The following TTC39B variants were observed in gnomAD, a reference collection of about 807,000 sequenced individuals.
The protein encoded by TTC39B is tetratricopeptide repeat domain 39B.
In TTC39B, 92 loss-of-function variants were observed where a neutral mutation model predicts 96.6. That is an observed-to-expected ratio of 0.95 (90% CI 0.80 to 1.13). The LOEUF (loss-of-function observed/expected upper bound fraction) is 1.13, where lower values mean the gene tolerates loss of function less well. Among genes scored for constraint, TTC39B ranks in the 50% most tolerant of loss-of-function variants. The pLI, the probability that TTC39B is intolerant of heterozygous loss-of-function variation, is 0.00. For missense variants in TTC39B, 955 were observed against 809.3 expected (o/e 1.18, Z -2.18); for synonymous variants, 367 against 299.4 (o/e 1.23, Z -2.33).
At chr9:15,287,924 CG>C (rs1824032916) in intron 1 of TTC39B, among the ~76,000 whole-genome samples, 1 of 115,314 alleles carries the variant, frequency 8.7e-6, no homozygotes. Context: ...CCAGCCTGGG[CG>C]ACAGGGCGAG....
intron 18 of TTC39B, among the ~76,000 whole-genome samples, chr9:15,176,449 A>G (rs536625909): frequency 1.3e-5 from 2 of 152,338 alleles, no homozygotes; most frequent in South Asian, 4.1e-4. Flanking sequence ...CTTTATTCTT[A>G]CAGGGGCACA....
rs1824491172 is a variant in TTC39B, at chr9:15,299,252, AT to A, written c.240+7831del. ...ATACAATGTATCATTTCACCAAAAT[AT>A]TTTAAAATACGTAGGCCCTATGTAT... On this transcript the variant is annotated intron_variant, in intron 1 of 19. Transcript: ENST00000512701. Among the ~76,000 whole-genome samples, 5 of 152,326 alleles carry A rather than the reference AT, an allele frequency of 3.3e-5. No homozygotes were observed. In the South Asian group the frequency reaches 1.0e-3, roughly 32 times the overall value.
intron 6 of TTC39B, among the ~76,000 whole-genome samples, chr9:15,209,570 A>C (rs887174281): frequency 6.6e-6 from 1 of 152,242 alleles, no homozygotes; most frequent in Non-Finnish European, 1.5e-5. Flanking sequence ...GTAAGTTTTC[A>C]AACTGTCAGT....
chr9:15,164,765 T>C (rs116401320), exon 20 of TTC39B: 383 of 152,126 alleles, frequency 2.5e-3, no homozygotes, highest in Middle Eastern at 0.01. Context: ...AGACTACTTA[T>C]GGAATTTTCC....
intron 8 of TTC39B, among the ~76,000 whole-genome samples, chr9:15,196,968 C>A (rs1329283457): frequency 1.3e-5 from 2 of 152,200 alleles, no homozygotes; most frequent in Admixed American, 6.5e-5. Flanking sequence ...GGATGCAAGA[C>A]CTCCACCAAC....
Position 15,186,866 on chromosome 9 carries a change from T to C in TTC39B, c.1487+78A>G. 3 of 1,338,776 alleles carry C rather than the reference T, an allele frequency of 2.2e-6. No homozygotes were observed. The South Asian group carries it at 3.6e-5, about 16-fold the overall frequency. 82.9% of individuals were successfully genotyped at this position (1,338,776 alleles called of 1,614,324 possible). A position where few individuals can be genotyped will look rare whatever the true frequency, so the allele number is the denominator to read the frequency against. On this transcript the variant is annotated intron_variant, in intron 15 of 19. Transcript: ENST00000512701. The stretch of plus-strand genomic sequence containing the variant: ...ACATGCCACCAGGCCCAGCTAATTT[T>C]TTGTATTTTCAGTAGAGATGAGATT...
chr9:15,289,076 T>C (rs979544328), intron 1 of TTC39B, among the ~76,000 whole-genome samples: 1 of 152,248 alleles, frequency 6.6e-6, no homozygotes, highest in Admixed American at 6.5e-5. Context: ...AGGTAGCAAG[T>C]TGCATACATT....
At position 15,268,196 on chromosome 9, in the gene TTC39B, C is replaced by T. The variant is rs73646023; in HGVS notation, c.241-248G>A. Among the ~76,000 whole-genome samples, 662 of 152,050 alleles carry T rather than the reference C, an allele frequency of 4.4e-3. 6 individuals are homozygous for T. The highest frequency in any genetic ancestry group is 0.015 in the African/African-American group (622 of 41,456). Reference sequence around the variant, plus strand: ...AATACTCAGCAAGTGATCAAACTGGCCTAATTTAAAGAGACTATGACGTCT... The same window carrying T: ...AATACTCAGCAAGTGATCAAACTGGTCTAATTTAAAGAGACTATGACGTCT... On this transcript the variant is annotated intron_variant, in intron 1 of 19. Transcript: ENST00000512701.
intron 19 of TTC39B, among the ~76,000 whole-genome samples, chr9:15,174,670 T>C (rs1322832329): frequency 6.6e-6 from 1 of 152,094 alleles, no homozygotes; most frequent in Non-Finnish European, 1.5e-5. Context: ...TATAATGGAG[T>C]AGTTGCAATG....
At chr9:15,263,794 T>C (rs1033840480) in intron 2 of TTC39B, among the ~76,000 whole-genome samples, 2 of 152,236 alleles carry the variant, frequency 1.3e-5, no homozygotes, top group South Asian at 4.1e-4. Flanking sequence ...CTCTCTCTAT[T>C]AGGAGAAGGG....
intron 8 of TTC39B, 58 bp from the exon 9 acceptor site, chr9:15,192,753 T>A: frequency 8.3e-7 from 1 of 1,198,114 alleles, no homozygotes; most frequent in Non-Finnish European, 1.2e-6. Context: ...AAATAAATAT[T>A]AAATCAAATT....
intron 1 of TTC39B, among the ~76,000 whole-genome samples, chr9:15,297,001 A>C (rs1824406176): frequency 9.0e-6 from 1 of 110,818 alleles, no homozygotes. Flanking sequence ...AGAAAAAAGA[A>C]AAGAAAAGAA....
chr9:15,216,367 T>A (rs1276119028), intron 3 of TTC39B, among the ~76,000 whole-genome samples: 3 of 152,198 alleles, frequency 2.0e-5, no homozygotes, highest in Non-Finnish European at 4.4e-5. Flanking sequence ...AAACAGAGAC[T>A]TCTTCATGCC....
At chr9:15,189,519 T>C (rs1313214518) in intron 13 of TTC39B, 55 bp downstream of exon 13, 87 of 1,586,756 alleles carry the variant, frequency 5.5e-5, no homozygotes, top group Non-Finnish European at 7.1e-5. Context: ...CAGCGACTCA[T>C]GTAGGAGTCG....
intron 3 of TTC39B, 80 bp downstream of exon 3, chr9:15,225,837 G>T: frequency 2.3e-6 from 3 of 1,319,728 alleles, no homozygotes; most frequent in Non-Finnish European, 1.1e-6. Context: ...AATGCACTAT[G>T]CAAATATCAG....
At chr9:15,167,012 A>T (rs1564299829) in exon 20 of TTC39B, 13 of 6,316 alleles carry the variant, frequency 2.1e-3, no homozygotes, top group East Asian at 8.8e-3. Flanking sequence ...ATATATATAT[A>T]TATATATATA....
At position 15,172,167 on chromosome 9, in the gene TTC39B, C is replaced by A. The variant is rs929281096; in HGVS notation, c.1959-58G>T. The A allele has an allele frequency of 1.2e-4, 136 of 1,151,804 alleles. No individual in the cohort carries two copies. The Middle Eastern group carries it at 1.9e-3, about 16-fold the overall frequency. 71.3% of individuals were successfully genotyped at this position (1,151,804 alleles called of 1,614,324 possible). On this transcript the variant is annotated intron_variant, in intron 19 of 19. Transcript: ENST00000512701. ...AAATTTCCTTATATACCAGGTACCACCACTCTCCCATTCCTCTCTCTGATC... is the reference window on the plus strand; with the variant it reads ...AAATTTCCTTATATACCAGGTACCAACACTCTCCCATTCCTCTCTCTGATC...
intron 2 of TTC39B, among the ~76,000 whole-genome samples, chr9:15,246,323 G>C (rs960747370): frequency 6.6e-6 from 1 of 151,722 alleles, no homozygotes. Context: ...CTTGATGTTA[G>C]TCTGCAGAGG....
exon 20 of TTC39B, chr9:15,166,221 C>T (rs1325498903): frequency 6.6e-6 from 1 of 152,044 alleles, no homozygotes; most frequent in Non-Finnish European, 1.5e-5. Context: ...CTTAATTTTC[C>T]CTATTAAATA....
Sources: gnomAD v4.1 joint callset for allele counts (sites outside exome capture counted in the v4.1 genomes callset) on GRCh38, gnomAD v4.1.1 for gene constraint, MANE v1.5 for transcripts, NCBI Gene and HGNC (gene_info 2026-07-23, HGNC 2026-07-21) for gene names.